The following ZNF705G variants were observed in gnomAD, a reference collection of about 807,000 sequenced individuals.
ZNF705G encodes the protein putative zinc finger protein 705G.
Under a neutral mutation model 19.6 loss-of-function variants are expected in ZNF705G, and 23 were observed. The ratio of observed to expected loss-of-function variants is 1.17; its 90% confidence interval spans 0.84 to 1.66. The LOEUF (loss-of-function observed/expected upper bound fraction) is 1.66. Ranked by LOEUF, ZNF705G falls within the 40% of genes most tolerant of loss-of-function variation. ZNF705G has a pLI of 0.00. For missense variants in ZNF705G, 457 were observed against 354.4 expected (o/e 1.29, Z -2.32); for synonymous variants, 146 against 117.7 (o/e 1.24, Z -1.56).
At chr8:7,371,095 T>C (rs1482410768) in intron 2 of ZNF705G, among the ~76,000 whole-genome samples, 9 of 142,376 alleles carry the variant, frequency 6.3e-5, no homozygotes, top group Admixed American at 4.2e-4. Flanking sequence ...TCAGGATAAA[T>C]GGCTAATACA....
intron 2 of ZNF705G, among the ~76,000 whole-genome samples, chr8:7,378,929 G>A (rs1199978861): frequency 6.8e-6 from 1 of 147,466 alleles, no homozygotes; most frequent in Non-Finnish European, 1.5e-5. Context: ...AGCTTTGGCG[G>A]GAGACAGAGG....
chr8:7,379,036 A>T (rs1307682453), intron 2 of ZNF705G, among the ~76,000 whole-genome samples: 1 of 150,602 alleles, frequency 6.6e-6, no homozygotes, highest in South Asian at 2.1e-4. Flanking sequence ...GTGTGAAGAG[A>T]TTCTCATTCA....
chr8:7,366,003 A>G lies in ZNF705G; in HGVS notation c.-71-2986T>C, dbSNP rs1167406229. ...CACTTCTCAACACCAGTGCTATACA[A>G]TGTTGAATGACATCTCAGGTGCTAG... On this transcript the variant is annotated intron_variant, in intron 2 of 6. Transcript: ENST00000400156. Among the ~76,000 whole-genome samples, 55 of 149,534 alleles carry G rather than the reference A, an allele frequency of 3.7e-4. 6 individuals are homozygous for G. Among genetic ancestry groups the G allele is most frequent in the African/African-American group, 1.3e-3 (49 of 38,944 alleles).
chr8:7,384,091 T>C (rs1389724764), intron 1 of ZNF705G, among the ~76,000 whole-genome samples: 4 of 98,574 alleles, frequency 4.1e-5, no homozygotes, highest in Non-Finnish European at 7.9e-5. Context: ...ATGTAAGCTG[T>C]GGTCTTTGCA....
chr8:7,361,665 A>G (rs1402153458), intron 3 of ZNF705G, among the ~76,000 whole-genome samples: 1 of 149,712 alleles, frequency 6.7e-6, no homozygotes, highest in Non-Finnish European at 1.5e-5. Flanking sequence ...TTATTTCTCC[A>G]GATGAACCAC....
chr8:7,368,912 A>T (rs981691019), intron 2 of ZNF705G, among the ~76,000 whole-genome samples: 1 of 149,680 alleles, frequency 6.7e-6, no homozygotes, highest in African/African-American at 2.6e-5. Flanking sequence ...CAGGTGCACA[A>T]GGTACAGGAG....
intron 1 of ZNF705G, 57 bp from the exon 2 acceptor site, chr8:7,381,658 T>C (rs1210067753): frequency 6.7e-6 from 1 of 148,172 alleles, no homozygotes; most frequent in African/African-American, 2.7e-5. Flanking sequence ...AAACCAAATA[T>C]TGCACATTCT....
At chr8:7,380,758 G>A (rs142956196) in intron 2 of ZNF705G, among the ~76,000 whole-genome samples, 4 of 146,556 alleles carry the variant, frequency 2.7e-5, no homozygotes, top group East Asian at 1.9e-4. Flanking sequence ...CCTGACTCAC[G>A]CCTGTAATCC....
At position 7,379,410 on chromosome 8, in the gene ZNF705G, CA is replaced by C. The variant is rs1220178358; in HGVS notation, c.-72+2041del. 1.2e-4 allele frequency among the ~76,000 whole-genome samples: 17 copies of C among 147,406 alleles called. 6 individuals are homozygous for C. Among genetic ancestry groups the C allele is most frequent in the African/African-American group, 4.6e-4 (17 of 36,888 alleles). On this transcript the variant is annotated intron_variant, in intron 2 of 6. Transcript: ENST00000400156. The stretch of plus-strand genomic sequence containing the variant: ...TTGGACACGTATATTAAAGCCGTCA[CA>C]TAGAATATTATCCTCTCATTGCTAG...
chr8:7,365,608 G>A (rs1428458989), intron 2 of ZNF705G, among the ~76,000 whole-genome samples: 2 of 149,288 alleles, frequency 1.3e-5, no homozygotes, highest in Non-Finnish European at 2.9e-5. Flanking sequence ...GACCTCAGGT[G>A]ATCCGCCAGC....
At position 7,380,764 on chromosome 8, in the gene ZNF705G, A is replaced by T. The variant is rs535280983; in HGVS notation, c.-72+688T>A. Reference sequence around the variant, plus strand: ...AGAAAGCCACCTGACTCACGCCTGTAATCCTAGCACTTTGGAAGGCTGAGG... The same window carrying T: ...AGAAAGCCACCTGACTCACGCCTGTTATCCTAGCACTTTGGAAGGCTGAGG... On this transcript the variant is annotated intron_variant, in intron 2 of 6. Coordinates refer to ENST00000400156, the MANE Select transcript of ZNF705G (RefSeq NM_001164457.3). Among the ~76,000 whole-genome samples, 226 of 146,676 alleles carry T rather than the reference A, an allele frequency of 1.5e-3. 32 individuals are homozygous for T. Among genetic ancestry groups the T allele is most frequent in the African/African-American group, 6.1e-3 (223 of 36,376 alleles).
At chr8:7,366,387 T>C (rs1184136872) in intron 2 of ZNF705G, among the ~76,000 whole-genome samples, 1 of 149,504 alleles carries the variant, frequency 6.7e-6, no homozygotes, top group Non-Finnish European at 1.5e-5. Context: ...GAACACTGCA[T>C]ACAAAGTTTG....
At chr8:7,363,719 G>A (rs1806712962) in intron 2 of ZNF705G, among the ~76,000 whole-genome samples, 1 of 149,302 alleles carries the variant, frequency 6.7e-6, no homozygotes, top group Non-Finnish European at 1.5e-5. Flanking sequence ...TACTCAGGAG[G>A]CTGAAACAGG....
chr8:7,366,430 A>T (rs1168842363), intron 2 of ZNF705G, among the ~76,000 whole-genome samples: 4 of 149,832 alleles, frequency 2.7e-5, no homozygotes, highest in South Asian at 2.1e-4. Flanking sequence ...CTCACATTTT[A>T]AAAAAAGGAA....
At chr8:7,362,114 A>T (rs1299972267) in intron 3 of ZNF705G, among the ~76,000 whole-genome samples, 7 of 149,668 alleles carry the variant, frequency 4.7e-5, no homozygotes, top group Admixed American at 3.3e-4. Context: ...TCAAAGATTT[A>T]AAAAGCCTCT....
rs1388641807 is a variant in ZNF705G at position 7,358,389 on chromosome 8, G to C, written c.490C>G (p.Gln164Glu). ...RNLLSTEPHK[Q>E]IHTKGKSYQC... ...TATGATTTACCTTTAGTATGAATTTGTTTATGTGGTTCAGTGGACAAAAGA... is the reference window on the plus strand; with the variant it reads ...TATGATTTACCTTTAGTATGAATTTCTTTATGTGGTTCAGTGGACAAAAGA... The change falls in exon 7 of 7, where the codon CAA becomes GAA. Residue 164 changes from glutamine (Q) to glutamate (E), a missense_variant. Physicochemically the swap from Gln to Glu is conservative, Grantham distance 29 (BLOSUM62 2). Coordinates refer to ENST00000400156, the MANE Select transcript of ZNF705G (RefSeq NM_001164457.3). 2 of 1,607,484 alleles carry C rather than the reference G, an allele frequency of 1.2e-6. No individual in the cohort carries two copies. The highest frequency in any genetic ancestry group is 2.2e-5 in the East Asian group (1 of 44,870).
At chr8:7,361,444 A>G (rs184669040) in intron 3 of ZNF705G, among the ~76,000 whole-genome samples, 5 of 149,878 alleles carry the variant, frequency 3.3e-5, no homozygotes, top group African/African-American at 1.0e-4. Flanking sequence ...AAAGTTTACT[A>G]TAAAGAAATA....
At chr8:7,368,658 C>T (rs1461338702) in intron 2 of ZNF705G, among the ~76,000 whole-genome samples, 1 of 149,760 alleles carries the variant, frequency 6.7e-6, no homozygotes, top group Non-Finnish European at 1.5e-5. Flanking sequence ...AAGAAAGGGC[C>T]TCAAAGACAT....
rs1470999064 is a variant in ZNF705G, at chr8:7,381,052, A to G, written c.-72+400T>C. 4.4e-5 allele frequency among the ~76,000 whole-genome samples: 6 copies of G among 136,062 alleles called. 1 individual carries two copies. The highest frequency in any genetic ancestry group is 2.1e-4 in the African/African-American group (6 of 28,520). The allele number at this position is 136,062 out of a possible 152,430, so 89.3% of individuals were successfully genotyped here. A position where few individuals can be genotyped will look rare whatever the true frequency, so the allele number is the denominator to read the frequency against. ...AAAAAAAAAAAAAAAAAAAAAAAAA[A>G]ACACAACACATCTTTGCCGTGATGT... On this transcript the variant is annotated intron_variant, in intron 2 of 6. Transcript: ENST00000400156.
Sources: allele counts gnomAD v4.1 joint callset (sites outside exome capture counted in the v4.1 genomes callset), GRCh38; gene constraint gnomAD v4.1.1; transcripts MANE v1.5; gene names NCBI Gene and HGNC (gene_info 2026-07-23, HGNC 2026-07-21).